STXBP5L: variants seen among roughly 807,000 people sequenced by gnomAD.
STXBP5L encodes the protein syntaxin-binding protein 5-like.
Under a neutral mutation model 144.5 loss-of-function variants are expected in STXBP5L, and 65 were observed. The ratio of observed to expected loss-of-function variants is 0.45; its 90% confidence interval spans 0.37 to 0.55. The LOEUF (loss-of-function observed/expected upper bound fraction) is 0.55, where lower values mean the gene tolerates loss of function less well. Ranked by LOEUF, STXBP5L falls within the 20% of genes least tolerant of loss-of-function variation. STXBP5L has a pLI of 0.00. For synonymous variants in STXBP5L, 505 were observed against 469.6 expected (o/e 1.08, Z -0.97); for missense variants, 1,298 against 1,405.5 (o/e 0.92, Z 1.22).
chr3:120,925,511 A>G lies in STXBP5L; in HGVS notation c.189+15744A>G, dbSNP rs28710285. ...CTTTTTTGGTTTCCAGTTGCATGGA[A>G]TATCTTTTTCCACCCCTTCAGTTTC... On this transcript the variant is annotated intron_variant, in intron 2 of 26. Transcript: ENST00000471454. Among the ~76,000 whole-genome samples the G allele has an allele frequency of 8.9e-3, 1,351 of 152,212 alleles. 7 individuals are homozygous for G. The highest frequency in any genetic ancestry group is 0.014 in the Non-Finnish European group (975 of 67,992).
intron 22 of STXBP5L, among the ~76,000 whole-genome samples, chr3:121,394,290 G>C (rs4398369): frequency 0.014 from 2,201 of 152,104 alleles, 48 homozygotes; most frequent in African/African-American, 0.05. Flanking sequence ...ACTTTGCTGA[G>C]GTCATTTATC....
chr3:120,972,869 A>C (rs1490443557), intron 3 of STXBP5L, among the ~76,000 whole-genome samples: 2 of 152,036 alleles, frequency 1.3e-5, no homozygotes, highest in East Asian at 3.8e-4. Context: ...TGGTGAATCA[A>C]ATTTATTGAT....
chr3:121,290,908 T>C (rs1333260341), intron 19 of STXBP5L, among the ~76,000 whole-genome samples: 1 of 152,088 alleles, frequency 6.6e-6, no homozygotes, highest in Non-Finnish European at 1.5e-5. Context: ...CTAAGGGTAA[T>C]AAAAGCCATC....
At position 121,294,438 on chromosome 3, in the gene STXBP5L, G is replaced by A. The variant is rs532270818; in HGVS notation, c.2110+14482G>A. ...AAATAAAGAGTTCAGTTTTAGACACGTTAAATGTTATTATGTCTGTTGTAT... is the reference window on the plus strand; with the variant it reads ...AAATAAAGAGTTCAGTTTTAGACACATTAAATGTTATTATGTCTGTTGTAT... On this transcript the variant is annotated intron_variant, in intron 19 of 26. Coordinates refer to ENST00000471454, the MANE Select transcript of STXBP5L (RefSeq NM_001308330.2). 9.8e-5 allele frequency among the ~76,000 whole-genome samples: 15 copies of A among 152,286 alleles called. No homozygotes were observed. In the South Asian group the frequency reaches 2.9e-3, roughly 29 times the overall value.
At chr3:121,192,724 T>G (rs533358252) in intron 9 of STXBP5L, among the ~76,000 whole-genome samples, 30 of 152,186 alleles carry the variant, frequency 2.0e-4, no homozygotes, top group Admixed American at 1.8e-3. Flanking sequence ...AATGGGGAAA[T>G]GATTCCCTGT....
At position 121,255,008 on chromosome 3, in the gene STXBP5L, A is replaced by G. The variant is rs1490699900; in HGVS notation, c.1555A>G (p.Met519Val). The change falls in exon 16 of 27, where the codon ATG (methionine) becomes GTG (valine). Residue 519 changes from methionine to valine, a missense_variant. Transcript: ENST00000471454. The part of the protein sequence containing the change: ...IVEEDPFAIQ[M>V]IYWCPESRIF... ...AGAGGAAGACCCATTTGCCATTCAG[A>G]TGATTTACTGGTGTCCAGAGAGCAG... The G allele has an allele frequency of 6.2e-7, 1 of 1,613,558 alleles. No individual in the cohort carries two copies. The highest frequency in any genetic ancestry group is 8.5e-7 in the Non-Finnish European group (1 of 1,179,742).
intron 5 of STXBP5L, among the ~76,000 whole-genome samples, chr3:121,106,489 T>C (rs2043715361): frequency 1.3e-5 from 2 of 152,142 alleles, no homozygotes; most frequent in African/African-American, 2.4e-5. Context: ...AGTGAGAACA[T>C]GCGGTGTTTG....
chr3:120,974,576 G>A (rs2107814627), intron 3 of STXBP5L, among the ~76,000 whole-genome samples: 1 of 152,228 alleles, frequency 6.6e-6, no homozygotes, highest in South Asian at 2.1e-4. Context: ...TTTGGCTTTT[G>A]CTGCCATTGC....
intron 3 of STXBP5L, among the ~76,000 whole-genome samples, chr3:120,956,327 C>T (rs1938031552): frequency 6.6e-6 from 1 of 151,912 alleles, no homozygotes; most frequent in Non-Finnish European, 1.5e-5. Context: ...TTATAACTCT[C>T]CATGTCCCTC....
At chr3:121,375,922 A>G (rs2046170040) in intron 20 of STXBP5L, among the ~76,000 whole-genome samples, 1 of 152,190 alleles carries the variant, frequency 6.6e-6, no homozygotes, top group Admixed American at 6.5e-5. Context: ...CTACGAGATG[A>G]TGTTTCAAAT....
intron 7 of STXBP5L, among the ~76,000 whole-genome samples, chr3:121,141,059 T>C (rs1256512803): frequency 6.6e-6 from 1 of 151,970 alleles, no homozygotes; most frequent in East Asian, 1.9e-4. Flanking sequence ...ACTGAAAAAA[T>C]ACCGAAATTG....
At chr3:121,171,673 C>G (rs776416839) in intron 9 of STXBP5L, among the ~76,000 whole-genome samples, 6 of 152,134 alleles carry the variant, frequency 3.9e-5, no homozygotes, top group Non-Finnish European at 5.9e-5. Context: ...AGCAGAACTA[C>G]AAACCACTGC....
rs184305875 is a variant in STXBP5L at position 121,195,628 on chromosome 3, C to T, written c.878-10295C>T. On this transcript the variant is annotated intron_variant, in intron 9 of 26. Coordinates refer to ENST00000471454, the MANE Select transcript of STXBP5L (RefSeq NM_001308330.2). ...TTATTATAAAAGCTGAATAATATTT[C>T]AGTGAATTAGTGTGTGTATGTGTAT... 1.3e-3 allele frequency among the ~76,000 whole-genome samples: 194 copies of T among 152,258 alleles called. 2 individuals are homozygous for T. Among genetic ancestry groups the T allele is most frequent in the South Asian group, 3.9e-3 (19 of 4,826 alleles).
intron 2 of STXBP5L, among the ~76,000 whole-genome samples, chr3:120,941,917 T>G (rs762775450): frequency 1.8e-4 from 27 of 151,788 alleles, no homozygotes; most frequent in Non-Finnish European, 1.9e-4. Flanking sequence ...AATATTATTT[T>G]CAAGGAGAAT....
At chr3:121,044,237 TG>T (rs67659681) in intron 4 of STXBP5L, among the ~76,000 whole-genome samples, 15,085 of 152,102 alleles carry the variant, frequency 0.099, 1,174 homozygotes, top group Admixed American at 0.2. Context: ...ATATGATCTT[TG>T]ATTATGTTTC....
rs982060688 is a variant in STXBP5L at position 121,003,982 on chromosome 3, G to T, written c.288-37718G>T. Among the ~76,000 whole-genome samples the T allele has an allele frequency of 2.0e-5, 3 of 152,096 alleles. No homozygotes were observed. In the East Asian group the frequency reaches 5.8e-4, roughly 29 times the overall value. On this transcript the variant is annotated intron_variant, in intron 3 of 26. Coordinates refer to ENST00000471454, the MANE Select transcript of STXBP5L (RefSeq NM_001308330.2). Reference sequence around the variant, plus strand: ...GCAGTATAGTTTGAAGTCAGGTAGCGTGATGCCTCCAGCTTTGTTCTTTTG... The same window carrying T: ...GCAGTATAGTTTGAAGTCAGGTAGCTTGATGCCTCCAGCTTTGTTCTTTTG...
intron 18 of STXBP5L, among the ~76,000 whole-genome samples, chr3:121,263,094 C>T (rs1176564691): frequency 2.0e-5 from 3 of 152,180 alleles, no homozygotes; most frequent in Non-Finnish European, 4.4e-5. Context: ...GGAGGGTGTC[C>T]CTCTGGGACA....
At chr3:121,160,283 A>C (rs916504539) in intron 9 of STXBP5L, among the ~76,000 whole-genome samples, 1 of 152,098 alleles carries the variant, frequency 6.6e-6, no homozygotes, top group Non-Finnish European at 1.5e-5. Context: ...TATTTTGGGG[A>C]TCTATTATTA....
At chr3:121,348,452 C>A (rs2045106087) in intron 20 of STXBP5L, among the ~76,000 whole-genome samples, 1 of 152,058 alleles carries the variant, frequency 6.6e-6, no homozygotes, top group African/African-American at 2.4e-5. Context: ...GCTTTGGTAT[C>A]AGGATGATGC....
Sources: gnomAD v4.1 joint callset for allele counts (sites outside exome capture counted in the v4.1 genomes callset) on GRCh38, gnomAD v4.1.1 for gene constraint, MANE v1.5 for transcripts, NCBI Gene and HGNC (gene_info 2026-07-23, HGNC 2026-07-21) for gene names.